RBKS: variants seen among roughly 807,000 people sequenced by gnomAD.
RBKS encodes ribokinase.
A neutral mutation model predicts 33.9 loss-of-function variants in RBKS; 33 were observed. The observed-to-expected ratio is 0.97, with a 90% CI of 0.74 to 1.30. RBKS has a LOEUF of 1.30. RBKS is among the 50% of genes most tolerant of loss of function. The pLI, the probability that RBKS is intolerant of heterozygous loss-of-function variation, is 0.00. For synonymous variants in RBKS, 125 were observed against 143.0 expected, an observed-to-expected ratio of 0.87 and a Z score of 0.90; for missense variants, 361 against 392.6, an observed-to-expected ratio of 0.92 and a Z score of 0.68.
At chr2:27,835,983 AG>A (rs61580987) in intron 5 of RBKS, among the ~76,000 whole-genome samples, 1 of 151,936 alleles carries the variant, frequency 6.6e-6, no homozygotes, top group Non-Finnish European at 1.5e-5. Flanking sequence ...TGGGAGGCTG[AG>A]GGGGGTAGAT....
chr2:27,873,331 A>G (rs1005677229), intron 1 of RBKS, among the ~76,000 whole-genome samples: 1 of 152,206 alleles, frequency 6.6e-6, no homozygotes, highest in African/African-American at 2.4e-5. Context: ...CAACTGTGGC[A>G]TGCAAGCATT....
At chr2:27,832,650 G>T (rs1678440666) in intron 6 of RBKS, 36 bp downstream of exon 6, 3 of 1,418,954 alleles carry the variant, frequency 2.1e-6, no homozygotes, top group Non-Finnish European at 3.0e-6. Flanking sequence ...CAAACTTTTG[G>T]TTTCTCATAG....
At chr2:27,887,496 G>T (rs987220352) in intron 1 of RBKS, among the ~76,000 whole-genome samples, 1 of 152,156 alleles carries the variant, frequency 6.6e-6, no homozygotes, top group African/African-American at 2.4e-5. Flanking sequence ...TAGAAAAGTT[G>T]CACCCAAGTT....
chr2:27,783,784 G>A (rs1677334140), intron 7 of RBKS, among the ~76,000 whole-genome samples: 1 of 150,954 alleles, frequency 6.6e-6, no homozygotes, highest in South Asian at 2.1e-4. Context: ...GTGGACGCCT[G>A]TAGTCCCAGC....
At chr2:27,794,474 G>A (rs994559978) in intron 7 of RBKS, among the ~76,000 whole-genome samples, 2 of 151,824 alleles carry the variant, frequency 1.3e-5, no homozygotes, top group African/African-American at 2.4e-5. Flanking sequence ...GTGGACATCT[G>A]CTACAAATCG....
intron 2 of RBKS, 106 bp downstream of exon 2, chr2:27,858,333 C>CTCTAAAA: frequency 8.8e-7 from 1 of 1,130,996 alleles, no homozygotes. Flanking sequence ...TTACATGCCA[C>CTCTAAAA]TGAACTGTTC....
Position 27,851,939 on chromosome 2 carries a change from C to G in RBKS, c.223-3842G>C, listed in dbSNP as rs2148216128. 1.3e-5 allele frequency among the ~76,000 whole-genome samples: 2 copies of G among 152,278 alleles called. 1 individual carries two copies. Among genetic ancestry groups the G allele is most frequent in the South Asian group, 4.1e-4 (2 of 4,822 alleles). On this transcript the variant is annotated intron_variant, in intron 2 of 7. Transcript: ENST00000302188. ...TTCCAACAGCCTCCTTGAAGGCACC[C>G]TCACACTCTTTTGACTACAGCAGTG...
intron 7 of RBKS, among the ~76,000 whole-genome samples, chr2:27,808,092 G>A (rs1177951585): frequency 6.6e-6 from 1 of 152,120 alleles, no homozygotes; most frequent in Non-Finnish European, 1.5e-5. Flanking sequence ...AGGTTTATGA[G>A]GCTAAAGCCT....
intron 4 of RBKS, among the ~76,000 whole-genome samples, chr2:27,844,157 G>T (rs1663569613): frequency 6.6e-6 from 1 of 151,708 alleles, no homozygotes; most frequent in Non-Finnish European, 1.5e-5. Flanking sequence ...CTACTTAGGA[G>T]CCTGAGGCGT....
chr2:27,799,669 G>A (rs912359914), intron 7 of RBKS, among the ~76,000 whole-genome samples: 4 of 152,210 alleles, frequency 2.6e-5, no homozygotes, highest in African/African-American at 9.7e-5. Context: ...TAAACCACCA[G>A]GGTCTCTGTT....
chr2:27,850,145 A>G (rs892561779), intron 2 of RBKS, among the ~76,000 whole-genome samples: 1 of 152,186 alleles, frequency 6.6e-6, no homozygotes, highest in Non-Finnish European at 1.5e-5. Context: ...TGTTTGCCCT[A>G]CTACTGTTTT....
intron 7 of RBKS, among the ~76,000 whole-genome samples, chr2:27,807,133 T>C (rs1677912171): frequency 6.6e-6 from 1 of 152,248 alleles, no homozygotes; most frequent in African/African-American, 2.4e-5. Flanking sequence ...ACATGTGGTC[T>C]GAATGTGAAG....
At chr2:27,849,559 C>CAAAAAAAAAAAAAAAAAAA (rs70953894) in intron 2 of RBKS, among the ~76,000 whole-genome samples, 1 of 28,594 alleles carries the variant, frequency 3.5e-5, no homozygotes, top group Non-Finnish European at 7.3e-5. Flanking sequence ...GACTCTGTCT[C>CAAAAAAAAAAAAAAAAAAA]AAAAAAAAAA....
At chr2:27,815,488 C>T (rs979509621) in intron 7 of RBKS, among the ~76,000 whole-genome samples, 27 of 152,096 alleles carry the variant, frequency 1.8e-4, no homozygotes, top group African/African-American at 6.0e-4. Flanking sequence ...TGCACCATTG[C>T]GCCTAGCTCT....
chr2:27,818,552 C>T (rs1678141211), intron 7 of RBKS, among the ~76,000 whole-genome samples: 1 of 152,168 alleles, frequency 6.6e-6, no homozygotes, highest in African/African-American at 2.4e-5. Context: ...GCTGTAGGCC[C>T]CTGGGCAGGT....
intron 7 of RBKS, chr2:27,809,979 G>A: frequency 6.9e-6 from 9 of 1,304,210 alleles, no homozygotes; most frequent in Non-Finnish European, 9.1e-6. Context: ...GATTCTCTGG[G>A]TTATTTATAA....
At chr2:27,794,182 A>C (rs545042967) in intron 7 of RBKS, among the ~76,000 whole-genome samples, 5 of 151,750 alleles carry the variant, frequency 3.3e-5, no homozygotes, top group Admixed American at 1.3e-4. Context: ...CTGTAATAAC[A>C]GCTACTTGGG....
chr2:27,855,546 A>T (rs779858841), intron 2 of RBKS, among the ~76,000 whole-genome samples: 73 of 152,358 alleles, frequency 4.8e-4, no homozygotes, highest in Non-Finnish European at 8.2e-4. Flanking sequence ...GTGAAGATTT[A>T]AGAAAGATGT....
intron 7 of RBKS, among the ~76,000 whole-genome samples, chr2:27,807,840 GA>G (rs1201036444): frequency 6.6e-6 from 1 of 151,660 alleles, no homozygotes; most frequent in Non-Finnish European, 1.5e-5. Context: ...CAGCAGAAAG[GA>G]AAAAAAATGA....
Sources: gnomAD v4.1 joint callset for allele counts (sites outside exome capture counted in the v4.1 genomes callset) on GRCh38, gnomAD v4.1.1 for gene constraint, MANE v1.5 for transcripts, NCBI Gene and HGNC (gene_info 2026-07-23, HGNC 2026-07-21) for gene names.